Variants in EHMT1 observed in about 807,000 individuals in gnomAD.
The protein encoded by EHMT1 is euchromatic histone lysine methyltransferase 1.
A neutral mutation model predicts 147.2 loss-of-function variants in EHMT1; 15 were observed. That is an observed-to-expected ratio of 0.10 (90% CI 0.07 to 0.16). The LOEUF is 0.16. Ranked by LOEUF, EHMT1 falls within the 10% of genes least tolerant of loss-of-function variation. The pLI is 1.00. For synonymous variants in EHMT1, 795 were observed against 709.6 expected, an observed-to-expected ratio of 1.12 and a Z score of -1.91; for missense variants, 1,587 against 1,772.4, an observed-to-expected ratio of 0.90 and a Z score of 1.88.
chr9:137,779,345 G>A (rs185418313), intron 13 of EHMT1, among the ~76,000 whole-genome samples: 11 of 152,372 alleles, frequency 7.2e-5, no homozygotes, highest in Admixed American at 2.6e-4. Flanking sequence ...CTGTCGTCGT[G>A]TTGTGTAAAA....
chr9:137,768,893 G>A (rs1950419571), intron 10 of EHMT1, among the ~76,000 whole-genome samples: 1 of 151,774 alleles, frequency 6.6e-6, no homozygotes, highest in African/African-American at 2.4e-5. Context: ...CCCCATGTTG[G>A]CCAGGCTGGT....
At chr9:137,639,719 C>T (rs1844346127) in intron 1 of EHMT1, among the ~76,000 whole-genome samples, 1 of 152,156 alleles carries the variant, frequency 6.6e-6, no homozygotes, top group Non-Finnish European at 1.5e-5. Flanking sequence ...CTCTTACAGT[C>T]CTTTCCATCT....
chr9:137,621,171 T>C (rs1842922908), intron 1 of EHMT1, among the ~76,000 whole-genome samples: 1 of 152,178 alleles, frequency 6.6e-6, no homozygotes, highest in Non-Finnish European at 1.5e-5. Context: ...TTCTAAGGGT[T>C]TATCATCAAG....
At chr9:137,699,576 G>A (rs1170199741) in intron 1 of EHMT1, among the ~76,000 whole-genome samples, 1 of 152,074 alleles carries the variant, frequency 6.6e-6, no homozygotes, top group African/African-American at 2.4e-5. Flanking sequence ...TTGGGAGGCT[G>A]AGGCAAGAGA....
At chr9:137,778,466 C>T (rs1350319095) in intron 13 of EHMT1, among the ~76,000 whole-genome samples, 1 of 152,234 alleles carries the variant, frequency 6.6e-6, no homozygotes, top group Non-Finnish European at 1.5e-5. Context: ...CTCACAAAAA[C>T]CCACCCCTCC....
At chr9:137,824,699 C>G (rs74883427) in intron 25 of EHMT1, among the ~76,000 whole-genome samples, 12,844 of 152,146 alleles carry the variant, frequency 0.084, 782 homozygotes, top group Admixed American at 0.2. Context: ...GTAGATCTTA[C>G]ACTGTGTTTT....
rs77844487 is a variant in EHMT1 at position 137,737,436 on chromosome 9, G to A, written c.824-5935G>A. Among the ~76,000 whole-genome samples, 336 of 152,216 alleles carry A rather than the reference G, an allele frequency of 2.2e-3. 2 individuals are homozygous for A. Among genetic ancestry groups the A allele is most frequent in the African/African-American group, 7.4e-3 (307 of 41,530 alleles). ...AGGACAGCTTTCCAACAAATGGTGC[G>A]GGGAAGACTGGATATCCACATGCAG... On this transcript the variant is annotated intron_variant, in intron 4 of 26. Transcript: ENST00000460843.
chr9:137,743,305 GAA>G, intron 4 of EHMT1, 64 bp from the exon 5 acceptor site: 1 of 1,520,178 alleles, frequency 6.6e-7, no homozygotes, highest in East Asian at 2.5e-5. Context: ...TCTTACCTTT[GAA>G]AAACATTTGA....
chr9:137,806,356 T>C (rs1212637943), intron 18 of EHMT1, among the ~76,000 whole-genome samples: 1 of 152,008 alleles, frequency 6.6e-6, no homozygotes, highest in African/African-American at 2.4e-5. Flanking sequence ...GGTGGGCTCA[T>C]GCTCCTGATG....
chr9:137,765,635 C>A (rs917070379), intron 10 of EHMT1, among the ~76,000 whole-genome samples: 1 of 147,598 alleles, frequency 6.8e-6, no homozygotes, highest in Non-Finnish European at 1.5e-5. Flanking sequence ...GAGCCTGACC[C>A]CCCAGCCCCA....
At chr9:137,717,218 C>T in intron 3 of EHMT1, 36 bp downstream of exon 3, 1 of 1,606,880 alleles carries the variant, frequency 6.2e-7, no homozygotes, top group Non-Finnish European at 8.5e-7. Flanking sequence ...TTCCTTTTTC[C>T]CATCTCTTTT....
chr9:137,789,871 AGGC>A (rs1234232165), intron 15 of EHMT1, among the ~76,000 whole-genome samples: 1 of 152,232 alleles, frequency 6.6e-6, no homozygotes, highest in Admixed American at 6.5e-5. Context: ...CTGGGATTAC[AGGC>A]GCCAGGCACC....
In EHMT1 at chr9:137,782,767, C is replaced by T. The variant is rs1397481812; in HGVS notation, c.2382+370C>T. On this transcript the variant is annotated intron_variant, in intron 15 of 26. Coordinates refer to ENST00000460843, the MANE Select transcript of EHMT1 (RefSeq NM_024757.5). This position sits in a 1 kb window ranked among gnomAD's most constrained non-coding sequence, Gnocchi z 5.7. ...GGCTCCCATTTTGTTTAGATCAGATCGTGTGAGCATTTTCAAGCTGAACCA... is the reference window on the plus strand; with the variant it reads ...GGCTCCCATTTTGTTTAGATCAGATTGTGTGAGCATTTTCAAGCTGAACCA... Among the ~76,000 whole-genome samples, 1 of 152,276 alleles carries T rather than the reference C, an allele frequency of 6.6e-6. No individual in the cohort carries two copies. The highest frequency in any genetic ancestry group is 1.9e-4 in the East Asian group (1 of 5,180).
chr9:137,745,865 AC>A (rs1948503262), intron 6 of EHMT1: 1 of 253,708 alleles, frequency 3.9e-6, no homozygotes, highest in African/African-American at 2.2e-5. Flanking sequence ...TGGTTTCCTC[AC>A]CTTCCCCAGC....
intron 25 of EHMT1, among the ~76,000 whole-genome samples, chr9:137,821,901 T>A (rs918692585): frequency 1.3e-5 from 2 of 152,256 alleles, no homozygotes; most frequent in African/African-American, 2.4e-5. Context: ...TGGATTTTTT[T>A]AAATCAAATA....
At chr9:137,735,554 G>C (rs929400898) in intron 4 of EHMT1, among the ~76,000 whole-genome samples, 4 of 152,184 alleles carry the variant, frequency 2.6e-5, no homozygotes, top group South Asian at 2.1e-4. Context: ...ATCAATAGTT[G>C]TTTTAAATGT....
chr9:137,745,383 C>A (rs868242727), intron 6 of EHMT1: 2 of 393,818 alleles, frequency 5.1e-6, no homozygotes, highest in Non-Finnish European at 4.5e-6. Flanking sequence ...TTTAAAAATT[C>A]GTTGGAAATA....
At chr9:137,697,590 T>A (rs1943497646) in intron 1 of EHMT1, among the ~76,000 whole-genome samples, 2 of 152,242 alleles carry the variant, frequency 1.3e-5, no homozygotes. Flanking sequence ...AAAATCTTAC[T>A]GTTGAGATTA....
At chr9:137,765,720 G>A (rs923985072) in intron 10 of EHMT1, among the ~76,000 whole-genome samples, 36 of 118,698 alleles carry the variant, frequency 3.0e-4, no homozygotes, top group African/African-American at 1.0e-3. Context: ...CGGCAGCCCC[G>A]CCCAGCAGCC....
Sources: allele counts gnomAD v4.1 joint callset (sites outside exome capture counted in the v4.1 genomes callset), GRCh38; gene constraint gnomAD v4.1.1; non-coding constraint Gnocchi (gnomAD v3.1); transcripts MANE v1.5; gene names NCBI Gene and HGNC (gene_info 2026-07-23, HGNC 2026-07-21).